Variants in CRPPA observed in about 807,000 individuals in gnomAD.
CRPPA encodes CDP-L-ribitol pyrophosphorylase A.
CRPPA carries 43 observed loss-of-function variants against 52.0 expected under a neutral mutation model. The observed-to-expected ratio is 0.83, with a 90% CI of 0.65 to 1.07. The LOEUF (loss-of-function observed/expected upper bound fraction) is 1.07, where lower values mean the gene tolerates loss of function less well. Ranked by LOEUF, CRPPA falls within the 50% of genes least tolerant of loss-of-function variation. CRPPA has a pLI of 0.00. For missense variants in CRPPA, 629 were observed against 551.7 expected, an observed-to-expected ratio of 1.14 and a Z score of -1.40; for synonymous variants, 250 against 203.5, an observed-to-expected ratio of 1.23 and a Z score of -1.94.
At chr7:16,193,302 G>T (rs1781655245) in intron 9 of CRPPA, among the ~76,000 whole-genome samples, 1 of 152,012 alleles carries the variant, frequency 6.6e-6, no homozygotes, top group African/African-American at 2.4e-5. Flanking sequence ...CTATAAGTGA[G>T]ATTGTTTACC....
chr7:16,238,118 C>T (rs1306149393), intron 8 of CRPPA, among the ~76,000 whole-genome samples: 1 of 151,968 alleles, frequency 6.6e-6, no homozygotes. Context: ...TATTATGAAT[C>T]CTTATTTTAG....
chr7:16,112,412 A>G (rs1189144155), intron 9 of CRPPA, among the ~76,000 whole-genome samples: 1 of 152,178 alleles, frequency 6.6e-6, no homozygotes, highest in Admixed American at 6.6e-5. Context: ...ATAGATAGCT[A>G]TCATTTGGGT....
At chr7:16,134,481 T>G (rs1209746410) in intron 9 of CRPPA, among the ~76,000 whole-genome samples, 2 of 152,194 alleles carry the variant, frequency 1.3e-5, no homozygotes, top group Non-Finnish European at 2.9e-5. Flanking sequence ...TGGGGATTGC[T>G]GGCATACAAA....
intron 9 of CRPPA, among the ~76,000 whole-genome samples, chr7:16,094,685 A>G (rs1419837978): frequency 6.6e-6 from 1 of 152,138 alleles, no homozygotes; most frequent in East Asian, 1.9e-4. Flanking sequence ...CCATATGAAC[A>G]GTGAAAAATC....
chr7:16,107,947 A>G (rs892232163), intron 9 of CRPPA, among the ~76,000 whole-genome samples: 1 of 152,106 alleles, frequency 6.6e-6, no homozygotes, highest in Non-Finnish European at 1.5e-5. Context: ...ATAGACAGTT[A>G]TAAGATGTTC....
chr7:16,218,948 G>C (rs1215786775), intron 8 of CRPPA, among the ~76,000 whole-genome samples: 1 of 152,084 alleles, frequency 6.6e-6, no homozygotes. Flanking sequence ...AGACCTAATA[G>C]ACATCTATAG....
At chr7:16,200,547 A>C (rs1781828450) in intron 9 of CRPPA, among the ~76,000 whole-genome samples, 1 of 152,220 alleles carries the variant, frequency 6.6e-6, no homozygotes, top group South Asian at 2.1e-4. Context: ...TAAAAGTTCA[A>C]TTAAAAATAT....
At chr7:16,288,887 C>G (rs376048444) in intron 5 of CRPPA, among the ~76,000 whole-genome samples, 267 of 80,504 alleles carry the variant, frequency 3.3e-3, no homozygotes, top group Non-Finnish European at 5.2e-3. Flanking sequence ...AAACAAAAAA[C>G]AAAAACAAAC....
intron 9 of CRPPA, among the ~76,000 whole-genome samples, chr7:16,197,823 C>T (rs907374041): frequency 6.6e-6 from 1 of 150,440 alleles, no homozygotes; most frequent in Non-Finnish European, 1.5e-5. Flanking sequence ...AATTCTTCTG[C>T]CTTGAGATTC....
chr7:16,372,783 C>T (rs771434570), intron 3 of CRPPA, among the ~76,000 whole-genome samples: 6 of 152,160 alleles, frequency 3.9e-5, no homozygotes, highest in Non-Finnish European at 8.8e-5. Flanking sequence ...CTGCTGTCTT[C>T]AGGAGACTTA....
intron 4 of CRPPA, 28 bp from the exon 5 acceptor site, chr7:16,301,494 T>G: frequency 6.4e-7 from 1 of 1,568,998 alleles, no homozygotes; most frequent in East Asian, 2.2e-5. Context: ...TTCATTAGAC[T>G]TAACAGAGCA....
At chr7:16,357,213 C>G (rs1786322327) in intron 3 of CRPPA, among the ~76,000 whole-genome samples, 1 of 151,886 alleles carries the variant, frequency 6.6e-6, no homozygotes, top group Non-Finnish European at 1.5e-5. Flanking sequence ...GAGTCTCGCT[C>G]TACCACCCAG....
chr7:16,317,106 C>T (rs1785159691), intron 3 of CRPPA, among the ~76,000 whole-genome samples: 1 of 152,100 alleles, frequency 6.6e-6, no homozygotes, highest in South Asian at 2.1e-4. Context: ...TACATGCATT[C>T]TCATGAATAT....
chr7:16,387,079 ATATATATACACAC>A (rs1787304842), intron 2 of CRPPA, among the ~76,000 whole-genome samples: 3 of 47,458 alleles, frequency 6.3e-5, no homozygotes, highest in Non-Finnish European at 7.9e-5. Flanking sequence ...ATATATATAT[ATATATATACACAC>A]ATATATATAT....
chr7:16,133,916 T>C (rs1583379821), intron 9 of CRPPA, among the ~76,000 whole-genome samples: 2 of 124,780 alleles, frequency 1.6e-5, no homozygotes, highest in East Asian at 6.9e-4. Flanking sequence ...TAACATCTTC[T>C]TAACATCATC....
intron 3 of CRPPA, among the ~76,000 whole-genome samples, chr7:16,314,884 G>T (rs945442041): frequency 6.6e-6 from 1 of 151,896 alleles, no homozygotes; most frequent in Admixed American, 6.6e-5. Context: ...TATACAGTCT[G>T]GTATTCCTGA....
At chr7:16,167,180 C>T (rs910181908) in intron 9 of CRPPA, among the ~76,000 whole-genome samples, 2 of 152,164 alleles carry the variant, frequency 1.3e-5, no homozygotes, top group Non-Finnish European at 2.9e-5. Flanking sequence ...CCTGCCTCAG[C>T]CTCTCAGAGT....
At chr7:16,168,811 A>G (rs147485105) in intron 9 of CRPPA, among the ~76,000 whole-genome samples, 267 of 152,302 alleles carry the variant, frequency 1.8e-3, no homozygotes, top group Non-Finnish European at 2.8e-3. Flanking sequence ...AATGTATACT[A>G]TATGGCTTTA....
At chr7:16,414,694 C>G (rs536376865) in intron 1 of CRPPA, among the ~76,000 whole-genome samples, 29 of 152,082 alleles carry the variant, frequency 1.9e-4, no homozygotes, top group Admixed American at 1.9e-3. Context: ...TAGTAAAAGG[C>G]GAAAACTAAG....
Sources: allele counts gnomAD v4.1 joint callset (sites outside exome capture counted in the v4.1 genomes callset), GRCh38; gene constraint gnomAD v4.1.1; transcripts MANE v1.5; gene names NCBI Gene and HGNC (gene_info 2026-07-23, HGNC 2026-07-21).